VPS41: variants seen among roughly 807,000 people sequenced by gnomAD.
VPS41 encodes the protein VPS41 subunit of HOPS complex.
A neutral mutation model predicts 130.9 loss-of-function variants in VPS41; 85 were observed. The observed-to-expected ratio is 0.65, with a 90% CI of 0.55 to 0.78. The LOEUF (loss-of-function observed/expected upper bound fraction) is 0.78. Among genes scored for constraint, VPS41 ranks in the 30% least tolerant of loss-of-function variants. The pLI is 0.00. For synonymous variants in VPS41, 335 were observed against 332.9 expected, an observed-to-expected ratio of 1.01 and a Z score of -0.07; for missense variants, 874 against 1,018.7, an observed-to-expected ratio of 0.86 and a Z score of 1.93.
intron 5 of VPS41, among the ~76,000 whole-genome samples, chr7:38,827,298 AC>A (rs1408155837): frequency 6.6e-6 from 1 of 152,094 alleles, no homozygotes; most frequent in Non-Finnish European, 1.5e-5. Flanking sequence ...AAGTAGAGGA[AC>A]TCTCCCTGAC....
intron 4 of VPS41, among the ~76,000 whole-genome samples, chr7:38,842,588 A>C (rs1394650015): frequency 1.3e-5 from 2 of 152,156 alleles, no homozygotes; most frequent in Non-Finnish European, 2.9e-5. Flanking sequence ...GGCTCCACCT[A>C]TCTCTTCAGG....
intron 10 of VPS41, among the ~76,000 whole-genome samples, chr7:38,782,335 T>C (rs13231372): frequency 0.064 from 9,794 of 152,296 alleles, 469 homozygotes; most frequent in South Asian, 0.14. Context: ...TGGCCTCAAG[T>C]CTGCTAGATG....
At chr7:38,874,891 C>T (rs577338490) in intron 2 of VPS41, among the ~76,000 whole-genome samples, 1 of 152,162 alleles carries the variant, frequency 6.6e-6, no homozygotes, top group Non-Finnish European at 1.5e-5. Context: ...TAAAAAACAG[C>T]TATCAAAATC....
At position 38,893,218 on chromosome 7, in the gene VPS41, T is replaced by C. The variant is rs115151761; in HGVS notation, c.60+4873A>G. On this transcript the variant is annotated intron_variant, in intron 2 of 28. Transcript: ENST00000310301. Reference sequence around the variant, plus strand: ...CCCACCCTTCTACACTACAGCCACATTGAGTGCCTCATGGGTGGCTAAACA... The same window carrying C: ...CCCACCCTTCTACACTACAGCCACACTGAGTGCCTCATGGGTGGCTAAACA... Among the ~76,000 whole-genome samples, 746 of 152,358 alleles carry C rather than the reference T, an allele frequency of 4.9e-3. 5 individuals are homozygous for C. The highest frequency in any genetic ancestry group is 0.017 in the African/African-American group (720 of 41,584).
In VPS41 at chr7:38,795,541, C is replaced by T. The variant is rs148373860; in HGVS notation, c.641G>A (p.Arg214His). The T allele has an allele frequency of 1.3e-5, 21 of 1,613,330 alleles. No homozygotes were observed. The highest frequency in any genetic ancestry group is 4.4e-5 in the South Asian group (4 of 91,020). The change falls in exon 9 of 29, where the codon CGC becomes CAC. Residue 214 changes from arginine (R) to histidine (H), a missense_variant. Transcript: ENST00000310301. ...GAGGCTGCAGGGATACATGTCTGGG[C>T]GAAGACTTATATCATCCCGGGGCAC... ...TNVPRDDISL[R>H]PDMYPCSLCW...
intron 4 of VPS41, among the ~76,000 whole-genome samples, chr7:38,844,041 G>A (rs1370586986): frequency 6.6e-6 from 1 of 152,166 alleles, no homozygotes; most frequent in African/African-American, 2.4e-5. Context: ...CTAAGCGAAA[G>A]GTATTTATTT....
intron 7 of VPS41, among the ~76,000 whole-genome samples, chr7:38,799,549 C>T (rs548263685): frequency 3.9e-5 from 6 of 151,920 alleles, no homozygotes; most frequent in East Asian, 3.9e-4. Context: ...TTGAGGGATA[C>T]GAAAGGAGAA....
chr7:38,743,396 G>T lies in VPS41; in HGVS notation c.2122+6C>A, dbSNP rs1450642820. 1 of 1,613,556 alleles carries T rather than the reference G, an allele frequency of 6.2e-7. No individual in the cohort carries two copies. The highest frequency in any genetic ancestry group is 8.5e-7 in the Non-Finnish European group (1 of 1,179,698). ...AGTTATAACCAGAGATGGCTTTTAT[G>T]CTTACGTGGTTTGTCAATGGAATAT... On this transcript the variant is annotated splice_donor_region_variant and intron_variant, in intron 24 of 28. Transcript: ENST00000310301.
chr7:38,813,459 C>T (rs577840889), intron 7 of VPS41, among the ~76,000 whole-genome samples: 1 of 152,268 alleles, frequency 6.6e-6, no homozygotes, highest in Non-Finnish European at 1.5e-5. Context: ...GATGGTTACA[C>T]AGCACTGTAA....
chr7:38,778,286 G>C (rs1268783741), intron 10 of VPS41, among the ~76,000 whole-genome samples: 1 of 152,148 alleles, frequency 6.6e-6, no homozygotes. Flanking sequence ...TGTGATAAAT[G>C]TTCACAAAAG....
rs541102199 is a variant in VPS41 at position 38,873,245 on chromosome 7, T to G, written c.61-3992A>C. ...TCACGCTTTTCTGACGGGTATCTTT[T>G]ATGTTAAGTTAAAAGTAGGGTAAAG... On this transcript the variant is annotated intron_variant, in intron 2 of 28. Coordinates refer to ENST00000310301, the MANE Select transcript of VPS41 (RefSeq NM_014396.4). Among the ~76,000 whole-genome samples, 4 of 152,244 alleles carry G rather than the reference T, an allele frequency of 2.6e-5. No homozygotes were observed. In the East Asian group the frequency reaches 5.8e-4, roughly 22 times the overall value.
At chr7:38,906,077 T>G (rs974780308) in intron 1 of VPS41, among the ~76,000 whole-genome samples, 2 of 152,040 alleles carry the variant, frequency 1.3e-5, no homozygotes, top group Admixed American at 6.5e-5. Flanking sequence ...ATTACAGGCA[T>G]GAGCCACCGC....
In VPS41 at chr7:38,813,904, T is replaced by C. The variant is rs1317617027; in HGVS notation, c.450+3913A>G. ...ATAGGAAAAAAAAATTACTCTCTCA[T>C]AGAAAACTGAACATAGAACAGCTTG... is the stretch of plus-strand genomic sequence containing the variant. On this transcript the variant is annotated intron_variant, in intron 7 of 28. Transcript: ENST00000310301. Among the ~76,000 whole-genome samples the C allele has an allele frequency of 2.0e-5, 3 of 152,180 alleles. No homozygotes were observed. In the East Asian group the frequency reaches 5.8e-4, roughly 29 times the overall value.
intron 4 of VPS41, among the ~76,000 whole-genome samples, chr7:38,831,054 C>T (rs377168402): frequency 3.9e-5 from 6 of 152,182 alleles, no homozygotes; most frequent in South Asian, 2.1e-4. Flanking sequence ...TCTGGACTTC[C>T]GGCTGAGAAG....
chr7:38,787,882 T>C (rs1784467842), intron 10 of VPS41, among the ~76,000 whole-genome samples: 1 of 152,192 alleles, frequency 6.6e-6, no homozygotes, highest in Non-Finnish European at 1.5e-5. Flanking sequence ...ACTTAACCAT[T>C]AACCATAGTA....
intron 2 of VPS41, among the ~76,000 whole-genome samples, chr7:38,874,030 C>A (rs1257757617): frequency 6.6e-6 from 1 of 152,144 alleles, no homozygotes; most frequent in African/African-American, 2.4e-5. Flanking sequence ...TTTTACATTT[C>A]TTTTCACCTA....
In VPS41 at chr7:38,725,871, G is replaced by T. The variant is rs1342446902; in HGVS notation, c.*375C>A. 1 of 163,978 alleles carries T rather than the reference G, an allele frequency of 6.1e-6. No individual in the cohort carries two copies. The highest frequency in any genetic ancestry group is 1.3e-5 in the Non-Finnish European group (1 of 75,832). The allele number at this position is 163,978 out of a possible 1,614,324, so 10.2% of individuals were successfully genotyped here. Reference sequence around the variant, plus strand: ...GGTAGCAGCTTGCAGGATAACCACAGTTGGCGACGCTTTCAGGCAGCTGGG... The same window carrying T: ...GGTAGCAGCTTGCAGGATAACCACATTTGGCGACGCTTTCAGGCAGCTGGG... On this transcript the variant is annotated 3_prime_UTR_variant, in exon 29 of 29. Coordinates refer to ENST00000310301, the MANE Select transcript of VPS41 (RefSeq NM_014396.4).
chr7:38,873,605 T>C (rs910239499), intron 2 of VPS41, among the ~76,000 whole-genome samples: 2 of 152,312 alleles, frequency 1.3e-5, no homozygotes, highest in African/African-American at 4.8e-5. Context: ...GTTAACTGCG[T>C]TTCTATGACA....
At chr7:38,894,713 G>C (rs1786944971) in intron 2 of VPS41, among the ~76,000 whole-genome samples, 1 of 152,068 alleles carries the variant, frequency 6.6e-6, no homozygotes, top group South Asian at 2.1e-4. Flanking sequence ...GCTATGCCCA[G>C]GTCATACAAA....
Sources: allele counts gnomAD v4.1 joint callset (sites outside exome capture counted in the v4.1 genomes callset), GRCh38; gene constraint gnomAD v4.1.1; transcripts MANE v1.5; gene names NCBI Gene and HGNC (gene_info 2026-07-23, HGNC 2026-07-21).